TENT5D: variants seen among roughly 807,000 people sequenced by gnomAD.
TENT5D encodes terminal nucleotidyltransferase 5D.
For synonymous variants in TENT5D, 103 were observed against 100.6 expected (o/e 1.02, Z -0.15); for missense variants, 191 against 287.0 (o/e 0.67, Z 2.42).
chrX:80,385,371 A>G (rs372394323), intron 3 of TENT5D, among the ~76,000 whole-genome samples: 10 of 111,670 alleles, frequency 9.0e-5, no homozygotes, highest in Admixed American at 2.9e-4. Flanking sequence ...CTAGCCATAT[A>G]TAGAAAGCTG....
chrX:80,360,169 T>G (rs1203785470), intron 3 of TENT5D, among the ~76,000 whole-genome samples: 1 of 112,156 alleles, frequency 8.9e-6, no homozygotes, highest in East Asian at 2.8e-4. Context: ...AATACAAAAG[T>G]AATAATGCCA....
At chrX:80,413,535 A>G (rs1931712447) in intron 3 of TENT5D, among the ~76,000 whole-genome samples, 2 of 111,717 alleles carry the variant, frequency 1.8e-5, no homozygotes, top group Admixed American at 1.9e-4. Context: ...AGGTAATTGA[A>G]TCATGGGGGC....
intron 1 of TENT5D, among the ~76,000 whole-genome samples, chrX:80,436,553 C>G (rs1261427133): frequency 9.1e-6 from 1 of 110,133 alleles, no homozygotes; most frequent in African/African-American, 3.3e-5. Context: ...CCCCCCAACC[C>G]CGATAGGTCC....
intron 1 of TENT5D, among the ~76,000 whole-genome samples, chrX:80,437,562 A>G (rs943153898): frequency 9.0e-6 from 1 of 111,654 alleles, no homozygotes; most frequent in Admixed American, 9.6e-5. Context: ...TTTGATAAGC[A>G]TAATCTTTTC....
chrX:80,408,476 G>A (rs1429405417), intron 3 of TENT5D, among the ~76,000 whole-genome samples: 5 of 109,527 alleles, frequency 4.6e-5, no homozygotes, highest in South Asian at 4.0e-4. Flanking sequence ...ACACCTCTAC[G>A]CAAATAAACT....
chrX:80,391,632 G>T (rs891072892), intron 3 of TENT5D, among the ~76,000 whole-genome samples: 2 of 112,057 alleles, frequency 1.8e-5, no homozygotes, highest in African/African-American at 6.5e-5. Context: ...AATATATCAT[G>T]TCTGAAAAAG....
chrX:80,402,711 T>C (rs1931410298), intron 3 of TENT5D, among the ~76,000 whole-genome samples: 1 of 112,062 alleles, frequency 8.9e-6, no homozygotes, highest in Admixed American at 9.5e-5. Flanking sequence ...TCTCCTGTTA[T>C]TCATTTTTGG....
chrX:80,435,030 G>A (rs182134577), intron 1 of TENT5D, among the ~76,000 whole-genome samples: 4,208 of 110,119 alleles, frequency 0.038, 88 homozygotes, highest in Non-Finnish European at 0.063. Context: ...TGATCCGCCC[G>A]CCTCAGCCTC....
At chrX:80,387,324 T>C (rs1931036409) in intron 3 of TENT5D, among the ~76,000 whole-genome samples, 1 of 111,864 alleles carries the variant, frequency 8.9e-6, no homozygotes, top group South Asian at 3.7e-4. Flanking sequence ...ATTGCAGAGT[T>C]AGGTATTTAT....
At chrX:80,336,193 A>G (rs1250940059) in intron 2 of TENT5D, among the ~76,000 whole-genome samples, 1 of 111,215 alleles carries the variant, frequency 9.0e-6, no homozygotes, top group Non-Finnish European at 1.9e-5. Flanking sequence ...TTTTTTTCCC[A>G]TCTTTAGTGT....
At chrX:80,396,735 C>A (rs1432317183) in intron 3 of TENT5D, among the ~76,000 whole-genome samples, 160 of 103,194 alleles carry the variant, frequency 1.6e-3, no homozygotes, top group Non-Finnish European at 2.8e-3. Flanking sequence ...TCCCCTCTTT[C>A]TATTCCACAA....
chrX:80,368,384 C>T (rs1930551377), intron 3 of TENT5D, among the ~76,000 whole-genome samples: 1 of 111,395 alleles, frequency 9.0e-6, no homozygotes, highest in Admixed American at 9.6e-5. Context: ...TTGGCCACTC[C>T]GCACTGCCTT....
chrX:80,411,936 C>A (rs1225600502), intron 3 of TENT5D, among the ~76,000 whole-genome samples: 1 of 112,218 alleles, frequency 8.9e-6, no homozygotes, highest in Non-Finnish European at 1.9e-5. Flanking sequence ...GGCAGTACCC[C>A]AGTAAGGACT....
chrX:80,372,347 T>C (rs943648149), intron 3 of TENT5D, among the ~76,000 whole-genome samples: 3 of 111,790 alleles, frequency 2.7e-5, no homozygotes, highest in African/African-American at 9.7e-5. Context: ...GTAGAGACTT[T>C]AGAGAATTTT....
intron 3 of TENT5D, among the ~76,000 whole-genome samples, chrX:80,377,998 A>G (rs1169720101): frequency 1.8e-5 from 2 of 111,782 alleles, no homozygotes; most frequent in Non-Finnish European, 3.8e-5. Context: ...GATGATGAGC[A>G]TTTTTTCATG....
At chrX:80,345,443 A>G (rs776370493) in intron 3 of TENT5D, among the ~76,000 whole-genome samples, 16 of 111,374 alleles carry the variant, frequency 1.4e-4, no homozygotes, top group African/African-American at 2.6e-4. Context: ...AGTGCAGACT[A>G]TTTGACCTGA....
upstream of TENT5D, among the ~76,000 whole-genome samples, chrX:80,418,300 C>T (rs1450091369): frequency 9.0e-6 from 1 of 110,536 alleles, no homozygotes; most frequent in African/African-American, 3.3e-5. Flanking sequence ...CCAGTTCATG[C>T]CACCATGCCC....
At chrX:80,401,071 T>G (rs1931382091) in intron 3 of TENT5D, among the ~76,000 whole-genome samples, 1 of 112,080 alleles carries the variant, frequency 8.9e-6, no homozygotes. Context: ...TTCCATTTAT[T>G]TGTGTCTTCT....
chrX:80,400,593 A>G (rs186669401), intron 3 of TENT5D, among the ~76,000 whole-genome samples: 13 of 112,302 alleles, frequency 1.2e-4, no homozygotes, highest in Admixed American at 1.1e-3. Context: ...CCTATATGCA[A>G]CTGAAAATGC....
Sources: gnomAD v4.1 joint callset for allele counts (sites outside exome capture counted in the v4.1 genomes callset) on GRCh38, gnomAD v4.1.1 for gene constraint, MANE v1.5 for transcripts, NCBI Gene and HGNC (gene_info 2026-07-23, HGNC 2026-07-21) for gene names.